Variants in SHANK2 observed in about 807,000 individuals in gnomAD.
SHANK2 encodes the protein SH3 and multiple ankyrin repeat domains protein 2.
In SHANK2, 43 loss-of-function variants were observed where a neutral mutation model predicts 133.7. The ratio of observed to expected loss-of-function variants is 0.32; its 90% CI spans 0.25 to 0.41. The LOEUF is 0.41. SHANK2 is among the 10% of genes least tolerant of loss of function. The pLI is 1.00. For missense variants in SHANK2, 1,994 were observed against 2,235.8 expected (o/e 0.89, Z 2.18); for synonymous variants, 1,017 against 952.8 (o/e 1.07, Z -1.24).
At chr11:71,086,565 A>C (rs1951423070) in intron 8 of SHANK2, among the ~76,000 whole-genome samples, 1 of 145,938 alleles carries the variant, frequency 6.9e-6, no homozygotes, top group Non-Finnish European at 1.5e-5. Flanking sequence ...TAATATATAT[A>C]TCATTAGACT....
chr11:70,769,528 G>A (rs1484976888), intron 14 of SHANK2, among the ~76,000 whole-genome samples: 6 of 151,776 alleles, frequency 4.0e-5, no homozygotes, highest in South Asian at 4.2e-4. Flanking sequence ...CTCAACAGAC[G>A]TGATGCATAC....
chr11:71,068,115 G>A (rs896575751), intron 9 of SHANK2, among the ~76,000 whole-genome samples: 182 of 151,856 alleles, frequency 1.2e-3, no homozygotes, highest in African/African-American at 3.5e-3. Flanking sequence ...ATCACCTGCC[G>A]TCACTCACCA....
chr11:70,533,450 C>T (rs1407965702), intron 17 of SHANK2, among the ~76,000 whole-genome samples: 2 of 152,106 alleles, frequency 1.3e-5, no homozygotes, highest in Non-Finnish European at 2.9e-5. Context: ...GGTGCAAATT[C>T]TACATCCTTA....
intron 17 of SHANK2, among the ~76,000 whole-genome samples, chr11:70,562,819 T>A (rs1182038853): frequency 6.6e-6 from 1 of 152,192 alleles, no homozygotes; most frequent in African/African-American, 2.4e-5. Flanking sequence ...CCTTGTATAT[T>A]TTGCCCACCC....
chr11:70,584,536 G>A (rs1323310468), intron 17 of SHANK2, among the ~76,000 whole-genome samples: 2 of 152,130 alleles, frequency 1.3e-5, no homozygotes, highest in Non-Finnish European at 2.9e-5. Flanking sequence ...CCAGGGCTGG[G>A]TACCGGACAG....
intron 2 of SHANK2, among the ~76,000 whole-genome samples, chr11:71,152,262 G>A (rs1319897477): frequency 1.3e-5 from 2 of 152,108 alleles, no homozygotes; most frequent in African/African-American, 4.8e-5. Context: ...ACAGATACCT[G>A]CCACCATGCC....
chr11:70,914,779 T>G (rs1418573945), intron 10 of SHANK2, among the ~76,000 whole-genome samples: 1 of 150,746 alleles, frequency 6.6e-6, no homozygotes, highest in Non-Finnish European at 1.5e-5. Flanking sequence ...TAACCCCAGC[T>G]ATTCAGGAGA....
intron 17 of SHANK2, among the ~76,000 whole-genome samples, chr11:70,659,477 C>T (rs530030907): frequency 6.6e-6 from 1 of 152,328 alleles, no homozygotes; most frequent in South Asian, 2.1e-4. Context: ...ACGATGACTC[C>T]TCTTGGTGCC....
intron 11 of SHANK2, among the ~76,000 whole-genome samples, chr11:70,888,288 G>T (rs1949778602): frequency 6.6e-6 from 1 of 152,150 alleles, no homozygotes; most frequent in Admixed American, 6.5e-5. Flanking sequence ...CAGAAATCCA[G>T]AAATCCCTGG....
chr11:71,061,560 T>C (rs890866784), intron 9 of SHANK2, among the ~76,000 whole-genome samples: 69,095 of 151,926 alleles, frequency 0.45, 15,853 homozygotes, highest in African/African-American at 0.49. Flanking sequence ...CAGAATGAGC[T>C]TAGTGCACTG....
At chr11:70,860,028 C>T (rs180696345) in intron 11 of SHANK2, among the ~76,000 whole-genome samples, 94 of 152,294 alleles carry the variant, frequency 6.2e-4, no homozygotes, top group African/African-American at 2.1e-3. Context: ...CCTCAAAGAA[C>T]CCCGACTATC....
chr11:70,622,398 G>A (rs187631558), intron 17 of SHANK2, among the ~76,000 whole-genome samples: 54 of 151,574 alleles, frequency 3.6e-4, no homozygotes, highest in African/African-American at 1.2e-3. Context: ...TGGAACAGCC[G>A]CCAATGGGGC....
intron 14 of SHANK2, among the ~76,000 whole-genome samples, chr11:70,758,596 G>A (rs1412335428): frequency 1.3e-5 from 2 of 152,178 alleles, no homozygotes; most frequent in African/African-American, 2.4e-5. Flanking sequence ...AGAACCCCAG[G>A]TCAAGGAACA....
rs148594705 is a variant in SHANK2 at position 70,501,974 on chromosome 11, A to C, written c.2279-43T>G. The C allele has an allele frequency of 1.4e-4, 222 of 1,551,016 alleles. 1 individual carries two copies. The East Asian group carries it at 4.4e-3, about 31-fold the overall frequency. On this transcript the variant is annotated intron_variant, in intron 19 of 25. Transcript: ENST00000601538. ...AATTCAAAACAAAACAATGTTAGATAAACAGAAAAGAGGAAAGGCAGGACT... is the reference window on the plus strand; with the variant it reads ...AATTCAAAACAAAACAATGTTAGATCAACAGAAAAGAGGAAAGGCAGGACT...
At chr11:70,702,543 G>A (rs1422883572) in intron 14 of SHANK2, among the ~76,000 whole-genome samples, 22 of 150,612 alleles carry the variant, frequency 1.5e-4, no homozygotes, top group African/African-American at 2.4e-4. Flanking sequence ...CATCACTAGC[G>A]TCATCACCAC....
At chr11:70,716,276 C>T (rs1555027255) in intron 14 of SHANK2, among the ~76,000 whole-genome samples, 1 of 152,166 alleles carries the variant, frequency 6.6e-6, no homozygotes, top group African/African-American at 2.4e-5. Flanking sequence ...CTTTGTTACC[C>T]CCAAGAGAGG....
At chr11:70,660,843 C>A (rs2061476730) in intron 16 of SHANK2, among the ~76,000 whole-genome samples, 1 of 152,324 alleles carries the variant, frequency 6.6e-6, no homozygotes, top group South Asian at 2.1e-4. Flanking sequence ...AGGTGCGGGA[C>A]CCCTGGCACA....
chr11:70,476,994 G>T (rs1377134808), intron 25 of SHANK2, among the ~76,000 whole-genome samples: 3 of 152,232 alleles, frequency 2.0e-5, no homozygotes, highest in Admixed American at 1.3e-4. Context: ...TTCCCAGGTA[G>T]TTGGGATTGA....
intron 14 of SHANK2, among the ~76,000 whole-genome samples, chr11:70,748,776 G>A (rs1946696056): frequency 6.6e-6 from 1 of 152,164 alleles, no homozygotes; most frequent in Admixed American, 6.5e-5. Flanking sequence ...CTACACAGAT[G>A]GAGTGACCGT....
Sources: allele counts gnomAD v4.1 joint callset (sites outside exome capture counted in the v4.1 genomes callset), GRCh38; gene constraint gnomAD v4.1.1; transcripts MANE v1.5; gene names NCBI Gene and HGNC (gene_info 2026-07-23, HGNC 2026-07-21).